The following ACACA variants were observed in gnomAD, a reference collection of about 807,000 sequenced individuals.
ACACA encodes the protein acetyl-CoA carboxylase alpha.
ACACA carries 103 observed loss-of-function variants against 296.1 expected under a neutral mutation model. The ratio of observed to expected loss-of-function variants is 0.35; its 90% CI spans 0.30 to 0.41. ACACA has a LOEUF of 0.41. Ranked by LOEUF, ACACA falls within the 10% of genes least tolerant of loss-of-function variation. The probability of loss-of-function intolerance (pLI) is 1.00; values close to 1 mark genes in which losing one functional copy is unlikely to be tolerated. For missense variants in ACACA, 1,554 were observed against 2,989.7 expected, an observed-to-expected ratio of 0.52 and a Z score of 11.20; for synonymous variants, 953 against 1,038.6, an observed-to-expected ratio of 0.92 and a Z score of 1.58.
intron 54 of ACACA, among the ~76,000 whole-genome samples, chr17:37,094,354 T>C (rs531851062): frequency 4.4e-4 from 67 of 152,352 alleles, no homozygotes; most frequent in South Asian, 2.5e-3. Flanking sequence ...CCAGAATTTC[T>C]GTTTTCAGGA....
Position 37,188,472 on chromosome 17 carries a change from T to C in ACACA, c.4581A>G (p.Glu1527=). Residue 1527 remains glutamate, a synonymous_variant, in exon 39 of 56, where the codon GAA becomes GAG. Coordinates refer to ENST00000616317, the MANE Select transcript of ACACA (RefSeq NM_198834.3). ...ACCGCATTACCATGCTCCGCACGGA[T>C]TCCTCAATCTGACACAGACACATCA... ...TVIMDPSKIE[E]SVRSMVMRYG... 21 of 1,612,752 alleles carry C rather than the reference T, an allele frequency of 1.3e-5. No individual in the cohort carries two copies. The highest frequency in any genetic ancestry group is 1.8e-5 in the Non-Finnish European group (21 of 1,179,994).
chr17:37,291,095 A>G (rs2146715734), intron 3 of ACACA, among the ~76,000 whole-genome samples: 1 of 151,132 alleles, frequency 6.6e-6, no homozygotes, highest in African/African-American at 2.4e-5. Flanking sequence ...AAAAAAAAAA[A>G]AAGAAAAAGA....
intron 3 of ACACA, among the ~76,000 whole-genome samples, chr17:37,324,871 G>C (rs1411086603): frequency 6.8e-6 from 1 of 147,954 alleles, no homozygotes; most frequent in African/African-American, 2.5e-5. Flanking sequence ...AAAAATAAAT[G>C]AATAAATAAG....
At chr17:37,096,964 C>T (rs1176826053) in intron 54 of ACACA, 32 bp downstream of exon 54, 1 of 1,613,810 alleles carries the variant, frequency 6.2e-7, no homozygotes, top group Admixed American at 1.7e-5. Flanking sequence ...AGGAACTCAG[C>T]AAAAAGGCTT....
intron 3 of ACACA, among the ~76,000 whole-genome samples, chr17:37,324,859 A>C (rs1306921875): frequency 1.3e-5 from 2 of 150,062 alleles, no homozygotes; most frequent in East Asian, 3.9e-4. Flanking sequence ...AAATTAAATT[A>C]AAAAAATAAA....
At chr17:37,397,999 G>A (rs1251311304) in intron 1 of ACACA, among the ~76,000 whole-genome samples, 1 of 152,040 alleles carries the variant, frequency 6.6e-6, no homozygotes, top group East Asian at 1.9e-4. Context: ...GGGAGGCCGA[G>A]GCAGGTGGAT....
chr17:37,129,402 G>A lies in ACACA; in HGVS notation c.5907C>T (p.Tyr1969=), dbSNP rs1236057443. The A allele has an allele frequency of 5.0e-6, 8 of 1,614,070 alleles. No individual in the cohort carries two copies. The highest frequency in any genetic ancestry group is 1.6e-4 in the Middle Eastern group (1 of 6,062). The part of the protein sequence containing the change: ...IIEFVPTKTP[Y]DPRWMLAGRP... ...GGCCTGCTAGCATCCATCGAGGATC[G>A]TATGGGGTCTTTGTGGGAACAAACT... Residue 1969 remains tyrosine (Y), a synonymous_variant, in exon 47 of 56, where the codon TAC becomes TAT. Transcript: ENST00000616317.
chr17:37,089,177 C>T, intron 54 of ACACA, 103 bp from the exon 55 acceptor site: 6 of 1,526,700 alleles, frequency 3.9e-6, no homozygotes, highest in Admixed American at 1.7e-5. Context: ...AAGTGTGCTC[C>T]GTGTCCACGA....
intron 35 of ACACA, among the ~76,000 whole-genome samples, chr17:37,199,029 C>T (rs2145224219): frequency 6.6e-6 from 1 of 152,222 alleles, no homozygotes; most frequent in Admixed American, 6.5e-5. Flanking sequence ...CACCTGAGGT[C>T]AGGAGTTCGA....
chr17:37,314,301 G>A (rs1458693798), intron 3 of ACACA, among the ~76,000 whole-genome samples: 1 of 151,608 alleles, frequency 6.6e-6, no homozygotes, highest in Admixed American at 6.6e-5. Context: ...AGGTTTCACC[G>A]TGTTAGCCAG....
intron 45 of ACACA, among the ~76,000 whole-genome samples, chr17:37,136,415 A>G (rs2075335920): frequency 1.3e-5 from 2 of 152,154 alleles, no homozygotes; most frequent in Admixed American, 1.3e-4. Context: ...GTAATATTCC[A>G]TTTTATGGAA....
At chr17:37,350,240 C>T (rs141902698) in intron 1 of ACACA, among the ~76,000 whole-genome samples, 1,597 of 151,654 alleles carry the variant, frequency 0.011, 33 homozygotes, top group African/African-American at 0.035. Flanking sequence ...CTGATATGGG[C>T]GGACTGCTTG....
chr17:37,372,470 A>T (rs1199051420), intron 1 of ACACA, among the ~76,000 whole-genome samples: 1 of 152,062 alleles, frequency 6.6e-6, no homozygotes, highest in African/African-American at 2.4e-5. Flanking sequence ...TTAAAGCTAG[A>T]AGAGGCCTTG....
intron 42 of ACACA, among the ~76,000 whole-genome samples, chr17:37,159,375 C>T (rs1268638975): frequency 3.3e-5 from 5 of 152,026 alleles, no homozygotes; most frequent in Non-Finnish European, 7.4e-5. Context: ...ACGTGTGCTA[C>T]CATGACCAGC....
At chr17:37,222,096 T>C (rs2079321421) in intron 28 of ACACA, 3 of 523,514 alleles carry the variant, frequency 5.7e-6, no homozygotes, top group Non-Finnish European at 1.0e-5. Flanking sequence ...TAAACCTTCT[T>C]CCACACTAAC....
chr17:37,155,685 G>T lies in ACACA; in HGVS notation c.5445C>A (p.Ser1815=). ...TATTCCAATACATATATACCTACCT[G>T]GATTCTCCTTCATCTTCCACGTGTT... ...HCEHVEDEGE[S]RYKITDIIGK... Residue 1815 remains serine, a splice_region_variant and synonymous_variant, in exon 43 of 56, where the codon TCC becomes TCA. Coordinates refer to ENST00000616317, the MANE Select transcript of ACACA (RefSeq NM_198834.3). 6.3e-7 allele frequency: 1 copy of T among 1,599,012 alleles called. No individual in the cohort carries two copies. The highest frequency in any genetic ancestry group is 8.6e-7 in the Non-Finnish European group (1 of 1,168,606).
intron 10 of ACACA, among the ~76,000 whole-genome samples, chr17:37,266,708 A>G (rs903789084): frequency 4.5e-4 from 68 of 152,260 alleles, no homozygotes; most frequent in African/African-American, 1.5e-3. Context: ...TAAGCAAAAC[A>G]TCTTCTTTAG....
At chr17:37,251,211 C>T (rs751593695) in intron 16 of ACACA, among the ~76,000 whole-genome samples, 13 of 152,120 alleles carry the variant, frequency 8.5e-5, no homozygotes, top group African/African-American at 1.9e-4. Context: ...TGGTAAAAAG[C>T]GGCCCATGTA....
chr17:37,096,788 G>A (rs1449340985), intron 54 of ACACA, among the ~76,000 whole-genome samples: 1 of 152,166 alleles, frequency 6.6e-6, no homozygotes, highest in African/African-American at 2.4e-5. Flanking sequence ...TGCATAAGCT[G>A]CAACATATGC....
Sources: allele counts gnomAD v4.1 joint callset (sites outside exome capture counted in the v4.1 genomes callset), GRCh38; gene constraint gnomAD v4.1.1; transcripts MANE v1.5; gene names NCBI Gene and HGNC (gene_info 2026-07-23, HGNC 2026-07-21).